The following ARNT variants were observed in gnomAD, a reference collection of about 807,000 sequenced individuals.
ARNT encodes the protein class E basic helix-loop-helix protein 2.
In ARNT, 30 loss-of-function variants were observed where a neutral mutation model predicts 105.0. That is an observed-to-expected ratio of 0.29 (90% CI 0.21 to 0.39). ARNT has a LOEUF of 0.39. Among genes scored for constraint, ARNT ranks in the 10% least tolerant of loss-of-function variants. The pLI is 1.00. For missense variants in ARNT, 748 were observed against 978.7 expected (o/e 0.76, Z 3.15); for synonymous variants, 304 against 344.0 (o/e 0.88, Z 1.29).
Position 150,839,616 on chromosome 1 carries a change from T to C in ARNT, c.311A>G (p.Lys104Arg). The C allele has an allele frequency of 1.9e-6, 3 of 1,614,178 alleles. No individual in the cohort carries two copies. Among genetic ancestry groups the C allele is most frequent in the Non-Finnish European group, 2.5e-6 (3 of 1,180,024 alleles). Residue 104 changes from lysine to arginine, a missense_variant, in exon 6 of 22, where the codon AAG becomes AGG. This residue lies in a region of ARNT where 291 missense variants were observed against 444.6 expected (regional missense o/e 0.65). Transcript: ENST00000358595. The stretch of plus-strand genomic sequence containing the variant: ...CAGTTCTGTGATGTAGGCTGTCATC[T>C]TGTTCCGTCGCCGCCGTTCAATTTC... Reference protein sequence around the residue: ...HSEIERRRRNKMTAYITELSD... With the variant: ...HSEIERRRRNRMTAYITELSD...
chr1:150,823,057 CAG>C, intron 14 of ARNT, 135 bp downstream of exon 14: 1 of 780,056 alleles, frequency 1.3e-6, no homozygotes, highest in South Asian at 3.4e-5. Flanking sequence ...GCTGGGACTA[CAG>C]GCACATGCCA....
chr1:150,838,121 C>A (rs778619170), intron 6 of ARNT, among the ~76,000 whole-genome samples: 1 of 152,140 alleles, frequency 6.6e-6, no homozygotes. Flanking sequence ...AATCTAAATT[C>A]TTTAACACCT....
intron 2 of ARNT, among the ~76,000 whole-genome samples, chr1:150,854,448 T>C (rs1184272401): frequency 1.5e-3 from 24 of 16,448 alleles, no homozygotes; most frequent in Middle Eastern, 0.036. Context: ...CCTAGCTACT[T>C]GGGTTGGGGG....
At chr1:150,837,713 T>C (rs1660567805) in intron 6 of ARNT, among the ~76,000 whole-genome samples, 2 of 152,180 alleles carry the variant, frequency 1.3e-5, no homozygotes, top group Non-Finnish European at 2.9e-5. Flanking sequence ...TACGAAATAA[T>C]AACCAAGTCT....
At position 150,831,863 on chromosome 1, in the gene ARNT, C is replaced by G. The variant is rs141351742; in HGVS notation, c.910G>C (p.Val304Leu). 1.3e-6 allele frequency: 2 copies of G among 1,596,130 alleles called. No individual in the cohort carries two copies. Among genetic ancestry groups the G allele is most frequent in the African/African-American group, 2.7e-5 (2 of 72,952 alleles). ...ATGTAGCCTGTGCAGTGGACCACCA[C>G]GAAGTGAGGTTCCCCATCCTTTACA... ...GSVKDGEPHFVVVHCTGYIKA... is the reference protein window; with the variant it reads ...GSVKDGEPHFLVVHCTGYIKA... Residue 304 changes from valine to leucine, a missense_variant, in exon 10 of 22, where the codon GTG becomes CTG. By Grantham distance (32) the Val-to-Leu change is conservative (BLOSUM62 1). Around this residue, in one of 4 missense-constraint regions of ARNT, gnomAD observed 291 missense variants for 444.6 expected, o/e 0.65. Transcript: ENST00000358595.
intron 2 of ARNT, among the ~76,000 whole-genome samples, chr1:150,854,046 T>A (rs188794665): frequency 2.6e-5 from 4 of 152,194 alleles, no homozygotes; most frequent in Non-Finnish European, 5.9e-5. Context: ...ATCCTATCTA[T>A]CTACCCAGTA....
In ARNT at chr1:150,876,597, C is replaced by G. The variant is rs766771969; in HGVS notation, c.-30G>C. ...GCAGATGCCACCGCCGCCGCGCCAC[C>G]CCCCCCCCCAGTGGGAGGAGCCGCC... On this transcript the variant is annotated 5_prime_UTR_variant, in exon 1 of 22. Coordinates refer to ENST00000358595, the MANE Select transcript of ARNT (RefSeq NM_001668.4). 1 of 180,058 alleles carries G rather than the reference C, an allele frequency of 5.6e-6. No individual in the cohort carries two copies. Among genetic ancestry groups the G allele is most frequent in the South Asian group, 1.2e-4 (1 of 8,280 alleles). The allele number at this position is 180,058 out of a possible 1,614,324, so 11.2% of individuals were successfully genotyped here. A position where few individuals can be genotyped will look rare whatever the true frequency, so the allele number is the denominator to read the frequency against.
At chr1:150,864,536 C>G (rs587714305) in intron 1 of ARNT, among the ~76,000 whole-genome samples, 34 of 144,786 alleles carry the variant, frequency 2.3e-4, no homozygotes, top group Admixed American at 8.7e-4. Flanking sequence ...ACCGCATATT[C>G]TCACTCATAG....
chr1:150,871,290 C>T (rs1027060559), intron 1 of ARNT, among the ~76,000 whole-genome samples: 2 of 134,804 alleles, frequency 1.5e-5, no homozygotes, highest in African/African-American at 2.7e-5. Context: ...ATTAGGCAGT[C>T]GTGGTTTTTT....
chr1:150,833,446 CATGCCACTGCACTCCAGCCTGGGCA>C (rs1411967805), intron 8 of ARNT, among the ~76,000 whole-genome samples: 2 of 152,100 alleles, frequency 1.3e-5, no homozygotes. Flanking sequence ...GACCCAAGAT[CATGCCACTGCACTCCAGCCTGGGCA>C]ACAGAGCAAG....
At chr1:150,844,160 A>G (rs945918159) in intron 4 of ARNT, among the ~76,000 whole-genome samples, 3 of 152,226 alleles carry the variant, frequency 2.0e-5, no homozygotes, top group African/African-American at 7.2e-5. Context: ...CTCATTTTAG[A>G]GATGGTTCAC....
At chr1:150,814,913 C>T (rs1267979785) in intron 19 of ARNT, among the ~76,000 whole-genome samples, 8 of 152,192 alleles carry the variant, frequency 5.3e-5, no homozygotes, top group Non-Finnish European at 1.2e-4. Context: ...GTCTGTTCTG[C>T]ATTCATTTGT....
rs374503314 is a variant in ARNT at position 150,858,303 on chromosome 1, T to G, written c.137+46A>C. ...AACTAAATAAATTCAGCAACTAAAG[T>G]TGGTTTATAGGAGAGATATTCATAA... On this transcript the variant is annotated intron_variant, in intron 2 of 21. Transcript: ENST00000358595. The G allele has an allele frequency of 4.0e-5, 57 of 1,411,506 alleles. No individual in the cohort carries two copies. In the African/African-American group the frequency reaches 7.1e-4, roughly 17 times the overall value. 87.4% of individuals were successfully genotyped at this position (1,411,506 alleles called of 1,614,324 possible).
chr1:150,814,824 C>CAG (rs1164092783), intron 19 of ARNT, among the ~76,000 whole-genome samples: 1 of 150,606 alleles, frequency 6.6e-6, no homozygotes, highest in Non-Finnish European at 1.5e-5. Flanking sequence ...GCCTGGGCAA[C>CAG]AGCGAGACTC....
Position 150,810,503 on chromosome 1 carries a change from G to C in ARNT, c.*1518C>G, listed in dbSNP as rs1309829783. 1 of 220,958 alleles carries C rather than the reference G, an allele frequency of 4.5e-6. No individual in the cohort carries two copies. The highest frequency in any genetic ancestry group is 9.1e-6 in the Non-Finnish European group (1 of 110,066). The allele number at this position is 220,958 out of a possible 1,614,324, so 13.7% of individuals were successfully genotyped here. On this transcript the variant is annotated 3_prime_UTR_variant, in exon 22 of 22. Transcript: ENST00000358595. ...CACCAGACTGGAGACATAAGGAAGGGAAACTCAGCAAATGGACATTCCTTT... is the reference window on the plus strand; with the variant it reads ...CACCAGACTGGAGACATAAGGAAGGCAAACTCAGCAAATGGACATTCCTTT...
chr1:150,876,570 C>A lies in ARNT; in HGVS notation c.-3G>T. 6.5e-7 allele frequency: 1 copy of A among 1,544,192 alleles called. No individual in the cohort carries two copies. Among genetic ancestry groups the A allele is most frequent in the East Asian group, 2.5e-5 (1 of 40,676 alleles). Reference sequence around the variant, plus strand: ...GGGTTGGCAGTAGTCGCCGCCATGGCCGCAGATGCCACCGCCGCCGCGCCA... The same window carrying A: ...GGGTTGGCAGTAGTCGCCGCCATGGACGCAGATGCCACCGCCGCCGCGCCA... On this transcript the variant is annotated 5_prime_UTR_variant, in exon 1 of 22. Transcript: ENST00000358595.
intron 3 of ARNT, among the ~76,000 whole-genome samples, chr1:150,851,094 GC>G (rs1557927583): frequency 2.0e-5 from 3 of 147,386 alleles, no homozygotes; most frequent in Non-Finnish European, 3.0e-5. Flanking sequence ...CCCCGCAGCC[GC>G]CCCGTCCGGG....
rs587765313 is a variant in ARNT at position 150,876,382 on chromosome 1, G to T, written c.25+161C>A. 2.6e-5 allele frequency among the ~76,000 whole-genome samples: 4 copies of T among 151,918 alleles called. No homozygotes were observed. In the East Asian group the frequency reaches 5.8e-4, roughly 22 times the overall value. ...CGAGTCTACCCAAGTCCCCGGGATC[G>T]GGCCCCTCCCCAGGTCACCGCTCCC... On this transcript the variant is annotated intron_variant, in intron 1 of 21. Transcript: ENST00000358595.
At chr1:150,824,723 G>A (rs1243778898) in intron 13 of ARNT, among the ~76,000 whole-genome samples, 3 of 152,022 alleles carry the variant, frequency 2.0e-5, no homozygotes, top group African/African-American at 7.2e-5. Context: ...CCAAAGTGCT[G>A]GGATTATAGG....
Sources: allele counts gnomAD v4.1 joint callset (sites outside exome capture counted in the v4.1 genomes callset), GRCh38; gene constraint gnomAD v4.1.1; regional missense constraint gnomAD v4.1.1; transcripts MANE v1.5; gene names NCBI Gene and HGNC (gene_info 2026-07-23, HGNC 2026-07-21).